Variants in GPC3 observed in about 807,000 individuals in gnomAD.
GPC3 encodes the protein glypican 3, also known as glypican-3.
In GPC3, 3 loss-of-function variants were observed where a neutral mutation model predicts 34.4. The ratio of observed to expected loss-of-function variants is 0.09; its 90% CI spans 0.04 to 0.23. GPC3 has a LOEUF of 0.23. Ranked by LOEUF, GPC3 falls within the 10% of genes least tolerant of loss-of-function variation. The probability of loss-of-function intolerance (pLI) is 1.00; values close to 1 mark genes in which losing one functional copy is unlikely to be tolerated. For synonymous variants in GPC3, 177 were observed against 174.0 expected, an observed-to-expected ratio of 1.02 and a Z score of -0.13; for missense variants, 351 against 445.6, an observed-to-expected ratio of 0.79 and a Z score of 1.91.
intron 2 of GPC3, among the ~76,000 whole-genome samples, chrX:133,770,335 C>T (rs1440948056): frequency 9.0e-6 from 1 of 111,727 alleles, no homozygotes; most frequent in Non-Finnish European, 1.9e-5. Context: ...GAAATTGGAC[C>T]TTCTGAACAT....
At chrX:133,635,164 G>A (rs1314678202) in intron 6 of GPC3, among the ~76,000 whole-genome samples, 2 of 111,980 alleles carry the variant, frequency 1.8e-5, no homozygotes, top group African/African-American at 6.5e-5. Flanking sequence ...ATCTCTATGA[G>A]AGGATCCTAT....
chrX:133,816,244 C>A (rs1475145280), intron 2 of GPC3, among the ~76,000 whole-genome samples: 1 of 110,803 alleles, frequency 9.0e-6, no homozygotes, highest in Non-Finnish European at 1.9e-5. Context: ...TTATAAAGAC[C>A]AGGTCTCACT....
chrX:133,676,060 A>G (rs1181584047), intron 5 of GPC3, among the ~76,000 whole-genome samples: 1 of 112,278 alleles, frequency 8.9e-6, no homozygotes, highest in Non-Finnish European at 1.9e-5. Flanking sequence ...GTGTGTAGCC[A>G]TATTGCTTCA....
At chrX:133,913,049 G>A (rs746927159) in intron 2 of GPC3, among the ~76,000 whole-genome samples, 15 of 90,655 alleles carry the variant, frequency 1.7e-4, no homozygotes, top group East Asian at 6.9e-4. Context: ...GGGAGACTCC[G>A]TCTCAAAAAA....
intron 7 of GPC3, among the ~76,000 whole-genome samples, chrX:133,564,315 C>T (rs971202903): frequency 8.9e-6 from 1 of 111,739 alleles, no homozygotes; most frequent in Non-Finnish European, 1.9e-5. Context: ...TATAGCTGAT[C>T]AGGGCAACCT....
intron 2 of GPC3, among the ~76,000 whole-genome samples, chrX:133,851,609 C>T (rs190935857): frequency 2.9e-4 from 32 of 112,044 alleles, no homozygotes; most frequent in African/African-American, 1.0e-3. Context: ...TCTACTGATT[C>T]ATTTCCAATG....
At chrX:133,806,587 T>C (rs1391238280) in intron 2 of GPC3, among the ~76,000 whole-genome samples, 1 of 111,896 alleles carries the variant, frequency 8.9e-6, no homozygotes, top group African/African-American at 3.2e-5. Flanking sequence ...TTTGTTGAAA[T>C]TGAGATCACC....
intron 6 of GPC3, among the ~76,000 whole-genome samples, chrX:133,640,151 C>A (rs1215229762): frequency 8.9e-6 from 1 of 112,043 alleles, no homozygotes; most frequent in Non-Finnish European, 1.9e-5. Flanking sequence ...CACAGTAAAT[C>A]AGTGAGATGC....
At chrX:133,864,521 C>T (rs938874815) in intron 2 of GPC3, among the ~76,000 whole-genome samples, 1 of 111,496 alleles carries the variant, frequency 9.0e-6, no homozygotes, top group African/African-American at 3.3e-5. Flanking sequence ...CTCTCCTTTC[C>T]ACCTGGCCCC....
intron 5 of GPC3, among the ~76,000 whole-genome samples, chrX:133,688,483 C>G (rs1279608690): frequency 9.0e-6 from 1 of 111,696 alleles, no homozygotes; most frequent in African/African-American, 3.3e-5. Flanking sequence ...TGACCTTATT[C>G]AGAGAGATAA....
chrX:133,815,731 A>G (rs929512292), intron 2 of GPC3, among the ~76,000 whole-genome samples: 1 of 111,847 alleles, frequency 8.9e-6, no homozygotes, highest in Non-Finnish European at 1.9e-5. Flanking sequence ...CTGTGAACTG[A>G]TAAGAGAATG....
intron 2 of GPC3, among the ~76,000 whole-genome samples, chrX:133,852,372 G>C: frequency 9.0e-6 from 1 of 111,596 alleles, no homozygotes; most frequent in East Asian, 2.8e-4. Context: ...AATCTTTATT[G>C]GATCTGGAAC....
chrX:133,610,330 G>C lies in GPC3; in HGVS notation c.1414-13731C>G, dbSNP rs1179926449. On this transcript the variant is annotated intron_variant, in intron 6 of 7. Transcript: ENST00000370818. ...CCCACAAAATTGTTTGGTGATGATGGTGGTGATAGAGTGGTAGGAACAGCA... is the reference window on the plus strand; with the variant it reads ...CCCACAAAATTGTTTGGTGATGATGCTGGTGATAGAGTGGTAGGAACAGCA... 3.6e-5 allele frequency among the ~76,000 whole-genome samples: 4 copies of C among 110,952 alleles called. No individual in the cohort carries two copies. The East Asian group carries it at 1.1e-3, about 31-fold the overall frequency.
intron 6 of GPC3, among the ~76,000 whole-genome samples, chrX:133,621,394 T>C (rs1488443872): frequency 8.9e-6 from 1 of 112,041 alleles, no homozygotes; most frequent in Non-Finnish European, 1.9e-5. Context: ...GGGAATTCCC[T>C]TTCCTAGCCA....
At chrX:133,709,732 C>T (rs1458225118) in intron 3 of GPC3, among the ~76,000 whole-genome samples, 2 of 112,035 alleles carry the variant, frequency 1.8e-5, no homozygotes, top group African/African-American at 6.5e-5. Flanking sequence ...ATGGAGGTAG[C>T]TCAAATGAAT....
intron 2 of GPC3, among the ~76,000 whole-genome samples, chrX:133,822,130 T>C (rs1302998807): frequency 8.9e-6 from 1 of 112,228 alleles, no homozygotes; most frequent in Non-Finnish European, 1.9e-5. Context: ...AATACTGTTC[T>C]GAGTAGCGTG....
chrX:133,699,838 A>T, intron 4 of GPC3, 57 bp downstream of exon 4: 1 of 1,030,650 alleles, frequency 9.7e-7, no homozygotes, highest in East Asian at 3.1e-5. Context: ...GTGGTTTTTG[A>T]CCTTAAAATA....
At chrX:133,935,982 G>A (rs762782607) in intron 2 of GPC3, among the ~76,000 whole-genome samples, 7 of 109,769 alleles carry the variant, frequency 6.4e-5, no homozygotes, top group Non-Finnish European at 1.3e-4. Context: ...GCGTGATCTC[G>A]ACTCACTGCA....
At chrX:133,725,449 A>G (rs1291988021) in intron 3 of GPC3, among the ~76,000 whole-genome samples, 1 of 112,572 alleles carries the variant, frequency 8.9e-6, no homozygotes, top group Non-Finnish European at 1.9e-5. Context: ...TCCTATTACA[A>G]AATATTAGTA....
Sources: allele counts gnomAD v4.1 joint callset (sites outside exome capture counted in the v4.1 genomes callset), GRCh38; gene constraint gnomAD v4.1.1; transcripts MANE v1.5; gene names NCBI Gene and HGNC (gene_info 2026-07-23, HGNC 2026-07-21).